The following MYT1L variants were observed in gnomAD, a reference collection of about 807,000 sequenced individuals.
MYT1L encodes the protein myelin transcription factor 1 like.
A neutral mutation model predicts 126.7 loss-of-function variants in MYT1L; 12 were observed. That is an observed-to-expected ratio of 0.09 (90% confidence interval 0.06 to 0.15). MYT1L has a LOEUF of 0.15. Among genes scored for constraint, MYT1L ranks in the 10% least tolerant of loss-of-function variants. The pLI is 1.00. For synonymous variants in MYT1L, 541 were observed against 604.2 expected, an observed-to-expected ratio of 0.90 and a Z score of 1.53; for missense variants, 979 against 1,585.2, an observed-to-expected ratio of 0.62 and a Z score of 6.49.
chr2:2,225,387 A>T (rs543339236), intron 2 of MYT1L, among the ~76,000 whole-genome samples: 1 of 152,250 alleles, frequency 6.6e-6, no homozygotes, highest in East Asian at 1.9e-4. Context: ...CTCCCAAGGC[A>T]GCACCTACCT....
At chr2:2,173,890 C>G (rs1321504235) in intron 2 of MYT1L, among the ~76,000 whole-genome samples, 1 of 152,194 alleles carries the variant, frequency 6.6e-6, no homozygotes, top group East Asian at 1.9e-4. Flanking sequence ...AATCCTCTAA[C>G]AGATACTGTA....
intron 3 of MYT1L, among the ~76,000 whole-genome samples, chr2:2,153,907 G>C (rs1408900405): frequency 6.6e-6 from 1 of 152,114 alleles, no homozygotes; most frequent in Non-Finnish European, 1.5e-5. Flanking sequence ...GCGTGTGAGA[G>C]GTACTGAGAA....
chr2:1,838,553 C>T (rs1485403518), intron 21 of MYT1L, among the ~76,000 whole-genome samples: 1 of 152,186 alleles, frequency 6.6e-6, no homozygotes, highest in African/African-American at 2.4e-5. Flanking sequence ...GTAATGGGTG[C>T]CGTCAGCCTT....
chr2:2,219,115 GTGGC>G (rs1180707283), intron 2 of MYT1L, among the ~76,000 whole-genome samples: 1 of 152,214 alleles, frequency 6.6e-6, no homozygotes, highest in African/African-American at 2.4e-5. Context: ...ATTGCTAAGA[GTGGC>G]TGGTAGAAGG....
intron 3 of MYT1L, among the ~76,000 whole-genome samples, chr2:2,072,211 T>C (rs778013510): frequency 5.3e-5 from 8 of 152,200 alleles, no homozygotes; most frequent in Non-Finnish European, 1.0e-4. Flanking sequence ...AAAGCTGTTG[T>C]TCTCTGACGT....
intron 2 of MYT1L, among the ~76,000 whole-genome samples, chr2:2,212,643 A>C (rs1422093797): frequency 6.6e-6 from 1 of 152,178 alleles, no homozygotes; most frequent in Non-Finnish European, 1.5e-5. Flanking sequence ...TTAGATGTTT[A>C]TCTGTTTCCT....
At chr2:1,824,310 T>A (rs1421983647) in intron 21 of MYT1L, 1 of 152,258 alleles carries the variant, frequency 6.6e-6, no homozygotes, top group Non-Finnish European at 1.5e-5. Flanking sequence ...GGTAATTTTG[T>A]GCCCAGCAGA....
rs771542746 is a variant in MYT1L at position 1,792,389 on chromosome 2, G to A, written c.3352C>T (p.Leu1118Phe). The stretch of plus-strand genomic sequence containing the variant: ...TGGCTCAGGTTCGCCAGCTCGTGGA[G>A]GAGAGACTCGTTCTGCTGCTCAATC... Reference protein sequence around the residue: ...KVIEQQNESLLHELANLSQSL... With the variant: ...KVIEQQNESLFHELANLSQSL... The change falls in exon 24 of 25, where the codon CTC becomes TTC. Residue 1118 changes from leucine (L) to phenylalanine (F), a missense_variant. Leu to Phe is a conservative substitution (Grantham distance 22). Around this residue, in one of 12 missense-constraint regions of MYT1L, gnomAD observed 179 missense variants for 398.6 expected, o/e 0.45. Coordinates refer to ENST00000647738, the MANE Select transcript of MYT1L (RefSeq NM_001303052.2). The A allele has an allele frequency of 3.1e-6, 5 of 1,612,794 alleles. No individual in the cohort carries two copies. The South Asian group carries it at 4.4e-5, about 14-fold the overall frequency.
chr2:1,835,020 G>T (rs112334478), intron 21 of MYT1L, among the ~76,000 whole-genome samples: 12 of 119,024 alleles, frequency 1.0e-4, no homozygotes, highest in East Asian at 7.6e-4. Flanking sequence ...CATACCACGG[G>T]GATGGATACA....
intron 2 of MYT1L, among the ~76,000 whole-genome samples, chr2:2,197,827 G>T (rs72769220): frequency 1.7e-5 from 2 of 120,842 alleles, no homozygotes; most frequent in Admixed American, 8.4e-5. Context: ...ACACACACAC[G>T]CACACAACGA....
intron 5 of MYT1L, among the ~76,000 whole-genome samples, chr2:1,996,487 G>A (rs1158820514): frequency 0.031 from 1,882 of 60,174 alleles, no homozygotes; most frequent in Middle Eastern, 0.14. Context: ...GCTGCACAGA[G>A]CCGAGTGTAG....
chr2:1,821,219 T>C (rs186881038), intron 21 of MYT1L, among the ~76,000 whole-genome samples: 258 of 152,358 alleles, frequency 1.7e-3, no homozygotes, highest in African/African-American at 5.6e-3. Context: ...TTGTTTTCTT[T>C]CTTTGGGAAT....
chr2:1,833,430 G>A (rs896939890), intron 21 of MYT1L, among the ~76,000 whole-genome samples: 3 of 152,098 alleles, frequency 2.0e-5, no homozygotes, highest in African/African-American at 4.8e-5. Flanking sequence ...TGTGTTCACC[G>A]GGACTGAGGA....
At chr2:2,184,654 C>T (rs2091924171) in intron 2 of MYT1L, among the ~76,000 whole-genome samples, 1 of 152,158 alleles carries the variant, frequency 6.6e-6, no homozygotes, top group Non-Finnish European at 1.5e-5. Flanking sequence ...CTCCTCTTCC[C>T]GCCTAAGCCT....
rs565383590 is a variant in MYT1L, at chr2:2,215,284, C to A, written c.-420-42296G>T. Among the ~76,000 whole-genome samples, 103 of 152,188 alleles carry A rather than the reference C, an allele frequency of 6.8e-4. 1 individual carries two copies. Among genetic ancestry groups the A allele is most frequent in the African/African-American group, 2.3e-3 (96 of 41,536 alleles). ...TGTTGAATTAGATACAATGTAAGAT[C>A]TAACTCTATCGCCTACAGAAACACA... On this transcript the variant is annotated intron_variant, in intron 2 of 24. Coordinates refer to ENST00000647738, the MANE Select transcript of MYT1L (RefSeq NM_001303052.2).
In MYT1L at chr2:2,034,184, C is replaced by T. The variant is rs751557236; in HGVS notation, c.-158+19794G>A. ...GGAGCTAAGCAGAAAACGTCGGTATCGACACAATTCAGGCATATCCTCAAA... is the reference window on the plus strand; with the variant it reads ...GGAGCTAAGCAGAAAACGTCGGTATTGACACAATTCAGGCATATCCTCAAA... On this transcript the variant is annotated intron_variant, in intron 4 of 24. Coordinates refer to ENST00000647738, the MANE Select transcript of MYT1L (RefSeq NM_001303052.2). Among the ~76,000 whole-genome samples, 45 of 152,128 alleles carry T rather than the reference C, an allele frequency of 3.0e-4. 1 individual carries two copies. Among genetic ancestry groups the T allele is most frequent in the Non-Finnish European group, 5.6e-4 (38 of 68,026 alleles).
chr2:2,008,619 C>A (rs2063543177), intron 4 of MYT1L, among the ~76,000 whole-genome samples: 1 of 151,712 alleles, frequency 6.6e-6, no homozygotes, highest in Non-Finnish European at 1.5e-5. Context: ...CTTTTTTTTT[C>A]CACTCTATAG....
At chr2:2,234,971 G>A (rs555088564) in intron 2 of MYT1L, among the ~76,000 whole-genome samples, 2 of 152,120 alleles carry the variant, frequency 1.3e-5, no homozygotes, top group African/African-American at 2.4e-5. Context: ...CTCTCTGCTG[G>A]CTCCTCACCC....
intron 2 of MYT1L, among the ~76,000 whole-genome samples, chr2:2,205,202 G>A (rs937873855): frequency 6.6e-6 from 1 of 151,470 alleles, no homozygotes; most frequent in Non-Finnish European, 1.5e-5. Flanking sequence ...CACCAACATG[G>A]TACATGTATA....
Sources: allele counts gnomAD v4.1 joint callset (sites outside exome capture counted in the v4.1 genomes callset), GRCh38; gene constraint gnomAD v4.1.1; regional missense constraint gnomAD v4.1.1; transcripts MANE v1.5; gene names NCBI Gene and HGNC (gene_info 2026-07-23, HGNC 2026-07-21).